PARD3B: variants seen among roughly 807,000 people sequenced by gnomAD.
The protein encoded by PARD3B is partitioning defective 3 homolog B.
Under a neutral mutation model 130.2 loss-of-function variants are expected in PARD3B, and 103 were observed. The ratio of observed to expected loss-of-function variants is 0.79; its 90% CI spans 0.67 to 0.93. The LOEUF (loss-of-function observed/expected upper bound fraction) is 0.93. Among genes scored for constraint, PARD3B ranks in the 40% least tolerant of loss-of-function variants. The pLI, the probability that PARD3B is intolerant of heterozygous loss-of-function variation, is 0.00. For synonymous variants in PARD3B, 583 were observed against 553.2 expected (o/e 1.05, Z -0.76); for missense variants, 1,609 against 1,499.2 (o/e 1.07, Z -1.21).
At chr2:204,877,514 C>A (rs1209058196) in intron 2 of PARD3B, among the ~76,000 whole-genome samples, 1 of 152,124 alleles carries the variant, frequency 6.6e-6, no homozygotes, top group Admixed American at 6.5e-5. Context: ...AGCGTATGTG[C>A]AGTTTTTGAT....
At chr2:205,039,379 C>G (rs1398907119) in intron 3 of PARD3B, among the ~76,000 whole-genome samples, 1 of 152,130 alleles carries the variant, frequency 6.6e-6, no homozygotes, top group Non-Finnish European at 1.5e-5. Context: ...TTGATGTTTT[C>G]CTCTCAGGTA....
At chr2:204,621,368 A>C (rs1219306672) in intron 1 of PARD3B, among the ~76,000 whole-genome samples, 1 of 152,028 alleles carries the variant, frequency 6.6e-6, no homozygotes, top group African/African-American at 2.4e-5. Context: ...GCTCCTACCT[A>C]CCCTTTAAAA....
At chr2:205,365,089 A>G (rs534968159) in intron 18 of PARD3B, among the ~76,000 whole-genome samples, 2 of 152,086 alleles carry the variant, frequency 1.3e-5, no homozygotes, top group East Asian at 3.9e-4. Context: ...AATCCCAGCT[A>G]CTTGGGAGGC....
In PARD3B at chr2:204,685,751, TATTACC is replaced by T. The variant is rs369731041; in HGVS notation, c.121-427_121-422del. Among the ~76,000 whole-genome samples the T allele has an allele frequency of 4.2e-3, 638 of 152,288 alleles. 6 individuals carry two copies. Among genetic ancestry groups the T allele is most frequent in the African/African-American group, 0.015 (605 of 41,572 alleles). On this transcript the variant is annotated intron_variant, in intron 1 of 22. Coordinates refer to ENST00000406610, the MANE Select transcript of PARD3B (RefSeq NM_001302769.2). ...CATTTATATATTTTGTAGTGATAGC[TATTACC>T]ATCACAGATTCTGCCTTTAGGGTTT...
At chr2:204,839,104 A>C (rs1407642253) in intron 2 of PARD3B, among the ~76,000 whole-genome samples, 1 of 152,294 alleles carries the variant, frequency 6.6e-6, no homozygotes, top group African/African-American at 2.4e-5. Flanking sequence ...TTTGATTTTA[A>C]GAAGGGAGTT....
At chr2:205,423,508 T>C (rs1350221955) in intron 19 of PARD3B, among the ~76,000 whole-genome samples, 1 of 152,236 alleles carries the variant, frequency 6.6e-6, no homozygotes, top group Non-Finnish European at 1.5e-5. Flanking sequence ...TCTTGGCATA[T>C]GCCTGGACAT....
intron 2 of PARD3B, among the ~76,000 whole-genome samples, chr2:204,827,674 T>C (rs544570579): frequency 6.6e-6 from 1 of 152,206 alleles, no homozygotes; most frequent in Non-Finnish European, 1.5e-5. Context: ...ATGCTTTTGC[T>C]CGAAAATCTG....
chr2:204,546,290 T>C, intron 1 of PARD3B, 171 bp downstream of exon 1: 1 of 979,218 alleles, frequency 1.0e-6, no homozygotes, highest in Middle Eastern at 2.1e-4. Context: ...TTTGGGTGTT[T>C]GTGGGCCTTG....
intron 16 of PARD3B, among the ~76,000 whole-genome samples, chr2:205,296,963 A>G (rs2041821091): frequency 6.6e-6 from 1 of 151,818 alleles, no homozygotes; most frequent in African/African-American, 2.4e-5. Context: ...TGTTTTTATT[A>G]TACCACCTTG....
At chr2:205,232,398 G>A (rs545027098) in intron 15 of PARD3B, among the ~76,000 whole-genome samples, 1 of 152,236 alleles carries the variant, frequency 6.6e-6, no homozygotes, top group East Asian at 1.9e-4. Flanking sequence ...TTGTGCCACT[G>A]TACTCCAACT....
intron 19 of PARD3B, among the ~76,000 whole-genome samples, chr2:205,439,098 A>G (rs2047621412): frequency 6.6e-6 from 1 of 152,190 alleles, no homozygotes; most frequent in Non-Finnish European, 1.5e-5. Context: ...ATTTTTACAA[A>G]TGATTTGATG....
intron 1 of PARD3B, among the ~76,000 whole-genome samples, chr2:204,634,760 C>T (rs1188366008): frequency 6.6e-6 from 1 of 152,048 alleles, no homozygotes; most frequent in African/African-American, 2.4e-5. Flanking sequence ...TCAAGAATTG[C>T]ATAATATAGT....
At chr2:205,005,078 C>T (rs1383783884) in intron 3 of PARD3B, among the ~76,000 whole-genome samples, 2 of 151,956 alleles carry the variant, frequency 1.3e-5, no homozygotes, top group Non-Finnish European at 2.9e-5. Context: ...CTCCTGCTTC[C>T]TCCCTGTCTC....
chr2:204,730,170 G>T (rs2039443887), intron 2 of PARD3B, among the ~76,000 whole-genome samples: 1 of 152,032 alleles, frequency 6.6e-6, no homozygotes. Context: ...CACCTCCCAG[G>T]TTCAAGCGAT....
At chr2:205,277,226 C>T (rs1226621281) in intron 16 of PARD3B, among the ~76,000 whole-genome samples, 1 of 152,208 alleles carries the variant, frequency 6.6e-6, no homozygotes, top group Non-Finnish European at 1.5e-5. Context: ...CAGGTATATA[C>T]ACAAACAATG....
At chr2:205,567,505 G>A (rs1575383117) in intron 22 of PARD3B, among the ~76,000 whole-genome samples, 1 of 33,542 alleles carries the variant, frequency 3.0e-5, no homozygotes, top group African/African-American at 8.8e-5. Flanking sequence ...TGTATTTTTA[G>A]TGGAGACAGG....
intron 2 of PARD3B, among the ~76,000 whole-genome samples, chr2:204,832,773 C>T (rs1237857872): frequency 3.9e-5 from 6 of 152,138 alleles, no homozygotes; most frequent in Non-Finnish European, 8.8e-5. Flanking sequence ...TTTTCTCTCC[C>T]TCAGTGTAGT....
intron 1 of PARD3B, 173 bp downstream of exon 1, chr2:204,546,292 T>C (rs2029927852): frequency 1.0e-6 from 1 of 968,844 alleles, no homozygotes; most frequent in Non-Finnish European, 1.5e-6. Context: ...TGGGTGTTTG[T>C]GGGCCTTGAG....
chr2:205,085,462 G>A (rs1250623562), intron 4 of PARD3B, among the ~76,000 whole-genome samples: 1 of 151,692 alleles, frequency 6.6e-6, no homozygotes, highest in East Asian at 1.9e-4. Flanking sequence ...ATAGACCCTT[G>A]TTCAAACAAA....
Sources: allele counts gnomAD v4.1 joint callset (sites outside exome capture counted in the v4.1 genomes callset), GRCh38; gene constraint gnomAD v4.1.1; transcripts MANE v1.5; gene names NCBI Gene and HGNC (gene_info 2026-07-23, HGNC 2026-07-21).